Variants in FAM217A observed in about 807,000 individuals in gnomAD.
The protein encoded by FAM217A is family with sequence similarity 217 member A.
Under a neutral mutation model 18.5 loss-of-function variants are expected in FAM217A, and 13 were observed. That is an observed-to-expected ratio of 0.70 (90% CI 0.46 to 1.12). The LOEUF (loss-of-function observed/expected upper bound fraction) is 1.12, where lower values mean the gene tolerates loss of function less well. FAM217A is among the 50% of genes most tolerant of loss of function. The pLI is 0.00. For synonymous variants in FAM217A, 161 were observed against 202.8 expected (o/e 0.79, Z 1.75); for missense variants, 560 against 575.4 (o/e 0.97, Z 0.27).
chr6:4,077,862 C>G (rs1769940980), intron 1 of FAM217A, among the ~76,000 whole-genome samples: 1 of 152,172 alleles, frequency 6.6e-6, no homozygotes, highest in Non-Finnish European at 1.5e-5. Flanking sequence ...CTAGGCCAGG[C>G]AAGCACCCCG....
intron 6 of FAM217A, among the ~76,000 whole-genome samples, chr6:4,071,643 C>T (rs1769422470): frequency 6.6e-6 from 1 of 152,152 alleles, no homozygotes; most frequent in African/African-American, 2.4e-5. Flanking sequence ...CTTCATTTGA[C>T]CACTTACCTT....
chr6:4,073,226 T>C, intron 6 of FAM217A, 49 bp downstream of exon 6: 1 of 1,371,082 alleles, frequency 7.3e-7, no homozygotes, highest in South Asian at 1.3e-5. Flanking sequence ...CATGTGTATC[T>C]AAATTTATTT....
At chr6:4,081,041 T>C (rs180852826), upstream of FAM217A, among the ~76,000 whole-genome samples, 101 of 152,346 alleles carry the variant, frequency 6.6e-4, no homozygotes, top group African/African-American at 2.4e-3. Context: ...TCAATCACTT[T>C]CTTTTCAACA....
intron 1 of FAM217A, 138 bp downstream of exon 1, chr6:4,078,714 C>T (rs1314325433): frequency 2.5e-6 from 1 of 398,998 alleles, no homozygotes; most frequent in African/African-American, 2.1e-5. Flanking sequence ...AGGCGCGTGT[C>T]TCAAGGGAGC....
At chr6:4,086,862 T>G (rs1338251191) in intron 1 of FAM217A, 2 of 397,276 alleles carry the variant, frequency 5.0e-6, no homozygotes, top group African/African-American at 2.1e-5. Flanking sequence ...GATTTAAGAT[T>G]ATTTAATACT....
intron 1 of FAM217A, among the ~76,000 whole-genome samples, chr6:4,077,993 T>A (rs1769952579): frequency 6.6e-6 from 1 of 150,862 alleles, no homozygotes; most frequent in Admixed American, 6.6e-5. Flanking sequence ...TAGAGAACTC[T>A]AAGGTAACAA....
rs1769199340 is a variant in FAM217A at position 4,068,893 on chromosome 6, C to T, written c.1330G>A (p.Val444Ile). The T allele has an allele frequency of 6.2e-7, 1 of 1,614,164 alleles. No homozygotes were observed. Among genetic ancestry groups the T allele is most frequent in the Non-Finnish European group, 8.5e-7 (1 of 1,180,014 alleles). ...GGAAAAGTCAGAGGTATAGGTGAAACTGGCATTGGAGACCTCCATGGCAGA... is the reference window on the plus strand; with the variant it reads ...GGAAAAGTCAGAGGTATAGGTGAAATTGGCATTGGAGACCTCCATGGCAGA... ...RCLPWRSPMPVSPIPLTFPEN... is the reference protein window; with the variant it reads ...RCLPWRSPMPISPIPLTFPEN... Residue 444 changes from valine to isoleucine, a missense_variant, in exon 7 of 7, where the codon GTT (valine) becomes ATT (isoleucine). By Grantham distance (29) the Val-to-Ile change is conservative. Transcript: ENST00000274673.
chr6:4,078,833 G>A lies in FAM217A; in HGVS notation c.-35+19C>T. ...GGAGGGGGCTGCGGGATTCCCCGGG[G>A]CCGGGGCTCTCAACCCACCGCGCGA... is the stretch of plus-strand genomic sequence containing the variant. On this transcript the variant is annotated intron_variant, in intron 1 of 6. Coordinates refer to ENST00000274673, the MANE Select transcript of FAM217A (RefSeq NM_173563.3). 2.2e-6 allele frequency: 1 copy of A among 453,112 alleles called. No homozygotes were observed. The highest frequency in any genetic ancestry group is 3.9e-6 in the Non-Finnish European group (1 of 253,654). The allele number at this position is 453,112 out of a possible 1,614,324, so 28.1% of individuals were successfully genotyped here.
intron 1 of FAM217A, among the ~76,000 whole-genome samples, chr6:4,077,900 C>T (rs924427984): frequency 7.8e-4 from 118 of 152,086 alleles, no homozygotes; most frequent in African/African-American, 2.8e-3. Context: ...ACAAAATGCC[C>T]CCAGGACCAA....
Position 4,085,303 on chromosome 6 carries a change from TAA to T in FAM217A, c.19-495_19-494del, listed in dbSNP as rs879633358. 7.3e-3 allele frequency among the ~76,000 whole-genome samples: 1,031 copies of T among 142,136 alleles called. 9 individuals carry two copies. Among genetic ancestry groups the T allele is most frequent in the Middle Eastern group, 0.042 (11 of 262 alleles). The allele number at this position is 142,136 out of a possible 152,430, so 93.2% of individuals were successfully genotyped here. A position where few individuals can be genotyped will look rare whatever the true frequency, so the allele number is the denominator to read the frequency against. On this transcript the variant is annotated intron_variant, in intron 1 of 8. Coordinates refer to the FAM217A transcript ENST00000639338. The stretch of plus-strand genomic sequence containing the variant: ...TGATTCCTAGAAGTGTTATTCATTG[TAA>T]AAAAAAATATATATATATATATAAA...
chr6:4,073,129 G>C, intron 6 of FAM217A, 146 bp downstream of exon 6: 2 of 608,148 alleles, frequency 3.3e-6, no homozygotes, highest in South Asian at 5.1e-5. Flanking sequence ...TCCTGCTTTA[G>C]GGTGGACTTC....
upstream of FAM217A, chr6:4,079,627 G>A (rs1581896777): frequency 4.7e-6 from 5 of 1,059,896 alleles, no homozygotes; most frequent in African/African-American, 3.2e-5. Flanking sequence ...CGGCCCACCC[G>A]CCTCCACCCT....
At chr6:4,071,514 T>G (rs1769411003) in intron 6 of FAM217A, among the ~76,000 whole-genome samples, 1 of 152,114 alleles carries the variant, frequency 6.6e-6, no homozygotes, top group African/African-American at 2.4e-5. Context: ...AGGGCACACA[T>G]CTAGGAAGTG....
intron 6 of FAM217A, among the ~76,000 whole-genome samples, chr6:4,072,375 G>C (rs994515073): frequency 6.6e-6 from 1 of 151,156 alleles, no homozygotes; most frequent in Admixed American, 6.6e-5. Flanking sequence ...CTCAGGTAAG[G>C]TTGGGTGCAG....
In FAM217A at chr6:4,074,566, G is replaced by A; in HGVS notation, c.145+11C>T. 3 of 1,608,830 alleles carry A rather than the reference G, an allele frequency of 1.9e-6. No individual in the cohort carries two copies. The highest frequency in any genetic ancestry group is 1.3e-5 in the African/African-American group (1 of 74,810). On this transcript the variant is annotated intron_variant, in intron 3 of 6. Coordinates refer to ENST00000274673, the MANE Select transcript of FAM217A (RefSeq NM_173563.3). Reference sequence around the variant, plus strand: ...CTTTCAGTATAAGTATACACATCTAGGATTTCTTACCACCTGCTGCTCCAT... The same window carrying A: ...CTTTCAGTATAAGTATACACATCTAAGATTTCTTACCACCTGCTGCTCCAT...
At chr6:4,073,375 G>A (rs780191623) in intron 5 of FAM217A, 33 bp from the exon 6 acceptor site, 3 of 1,590,102 alleles carry the variant, frequency 1.9e-6, no homozygotes, top group Admixed American at 1.7e-5. Flanking sequence ...TAATAGTTTA[G>A]TAGCTGCATA....
intron 4 of FAM217A, among the ~76,000 whole-genome samples, 156 bp downstream of exon 4, chr6:4,074,287 T>C (rs1311071476): frequency 6.6e-6 from 1 of 152,224 alleles, no homozygotes; most frequent in Non-Finnish European, 1.5e-5. Flanking sequence ...AATAACCAAC[T>C]TGAAACTCTA....
Position 4,068,599 on chromosome 6 carries a change from A to G in FAM217A, c.*97T>C. The stretch of plus-strand genomic sequence containing the variant: ...AGCAACTGTTTGGTGATTTTGGGGG[A>G]CTGTTAATAGTACCTGTGTCTTGGA... On this transcript the variant is annotated 3_prime_UTR_variant, in exon 7 of 7. Coordinates refer to ENST00000274673, the MANE Select transcript of FAM217A (RefSeq NM_173563.3). 2 of 1,354,602 alleles carry G rather than the reference A, an allele frequency of 1.5e-6. No individual in the cohort carries two copies. Among genetic ancestry groups the G allele is most frequent in the Non-Finnish European group, 2.0e-6 (2 of 1,000,490 alleles). 83.9% of individuals were successfully genotyped at this position (1,354,602 alleles called of 1,614,324 possible).
At chr6:4,079,396 G>A (rs1350090681), upstream of FAM217A, 6 of 309,636 alleles carry the variant, frequency 1.9e-5, no homozygotes, top group Admixed American at 4.5e-5. Context: ...CTGGCCTGAA[G>A]GGGCCGCCCC....
Sources: allele counts gnomAD v4.1 joint callset (sites outside exome capture counted in the v4.1 genomes callset), GRCh38; gene constraint gnomAD v4.1.1; transcripts MANE v1.5; gene names NCBI Gene and HGNC (gene_info 2026-07-23, HGNC 2026-07-21).